OTUD7B: variants seen among roughly 807,000 people sequenced by gnomAD.
OTUD7B encodes the protein OTU domain-containing protein 7B.
A neutral mutation model predicts 82.2 loss-of-function variants in OTUD7B; 34 were observed. The observed-to-expected ratio is 0.41, with a 90% CI of 0.31 to 0.55. The LOEUF (loss-of-function observed/expected upper bound fraction) is 0.55. OTUD7B is among the 20% of genes least tolerant of loss of function. The pLI is 0.20. For synonymous variants in OTUD7B, 398 were observed against 402.7 expected (o/e 0.99, Z 0.14); for missense variants, 944 against 1,062.1 (o/e 0.89, Z 1.55).
rs1649367838 is a variant in OTUD7B, at chr1:149,964,326, C to T, written c.628G>A (p.Asp210Asn). ...TACAAAGCTTTCCGCAGCATCAAGTCCCGATCATGGAAACCCCACATTCCT... is the reference window on the plus strand; with the variant it reads ...TACAAAGCTTTCCGCAGCATCAAGTTCCGATCATGGAAACCCCACATTCCT... ...SLGMWGFHDR[D>N]LMLRKALYAL... is the part of the protein sequence containing the mutation. The change falls in exon 6 of 12, where the codon GAC (aspartate) becomes AAC (asparagine). Residue 210 changes from aspartate (D) to asparagine (N), a missense_variant. This residue lies in a region of OTUD7B where 530 missense variants were observed against 625.6 expected (regional missense o/e 0.85). Transcript: ENST00000581312. 1.9e-6 allele frequency: 3 copies of T among 1,613,824 alleles called. No individual in the cohort carries two copies. The highest frequency in any genetic ancestry group is 2.5e-6 in the Non-Finnish European group (3 of 1,179,948).
the OTUD7B span, among the ~76,000 whole-genome samples, chr1:150,036,599 C>T: frequency 6.6e-6 from 1 of 152,086 alleles, no homozygotes; most frequent in African/African-American, 2.4e-5. Context: ...AGGAGTGAAG[C>T]TATCATTATT....
the OTUD7B span, among the ~76,000 whole-genome samples, chr1:150,047,365 T>G: frequency 2.4e-4 from 36 of 152,158 alleles, no homozygotes; most frequent in African/African-American, 6.7e-4. Context: ...ATCTCAACAC[T>G]CCCCCCAACC....
At chr1:150,048,800 C>T in the OTUD7B span, among the ~76,000 whole-genome samples, 4 of 151,970 alleles carry the variant, frequency 2.6e-5, no homozygotes, top group Admixed American at 6.6e-5. Context: ...AGATTAATAA[C>T]TCAAGTTTCC....
At chr1:149,973,898 C>T (rs1335726889) in intron 2 of OTUD7B, among the ~76,000 whole-genome samples, 7 of 142,716 alleles carry the variant, frequency 4.9e-5, no homozygotes, top group Non-Finnish European at 9.0e-5. Context: ...CTTTCTGTTG[C>T]CCAGGCTGGA....
the OTUD7B span, among the ~76,000 whole-genome samples, chr1:150,017,421 C>T: frequency 1.3e-5 from 2 of 152,274 alleles, no homozygotes; most frequent in Non-Finnish European, 2.9e-5. Flanking sequence ...GCTTCTAAGG[C>T]CATTACAGGC....
the OTUD7B span, among the ~76,000 whole-genome samples, chr1:150,016,636 G>T: frequency 6.6e-6 from 1 of 151,844 alleles, no homozygotes; most frequent in East Asian, 1.9e-4. Context: ...ATTTTTAGTA[G>T]ACACGGGGTT....
At position 150,010,524 on chromosome 1, in the gene OTUD7B, G is replaced by T. The variant is rs1652973324; in HGVS notation, c.-143C>A. ...GGCCGCCTCTCTTCATTCCTCGGCA[G>T]TGACCCCGGGGTCCGGCCGGCCCCT... is the stretch of plus-strand genomic sequence containing the variant. On this transcript the variant is annotated 5_prime_UTR_variant, in exon 1 of 12. In the 5' UTR this introduces an upstream ATG that the reference lacks. Coordinates refer to ENST00000581312, the MANE Select transcript of OTUD7B (RefSeq NM_020205.4). The T allele has an allele frequency of 1.3e-5, 2 of 152,862 alleles. No individual in the cohort carries two copies. The highest frequency in any genetic ancestry group is 2.4e-5 in the African/African-American group (1 of 41,430). 9.5% of individuals were successfully genotyped at this position (152,862 alleles called of 1,614,324 possible). A position where few individuals can be genotyped will look rare whatever the true frequency, so the allele number is the denominator to read the frequency against.
At chr1:149,962,344 G>C (rs587759765) in intron 6 of OTUD7B, 1 of 152,294 alleles carries the variant, frequency 6.6e-6, no homozygotes, top group African/African-American at 2.4e-5. Flanking sequence ...TTTTGGTACT[G>C]GGGAGCTAAA....
At chr1:149,946,358 C>A (rs1048121405) in intron 11 of OTUD7B, among the ~76,000 whole-genome samples, 3 of 151,828 alleles carry the variant, frequency 2.0e-5, no homozygotes, top group African/African-American at 7.3e-5. Context: ...AGCAAGATTC[C>A]GTCTCAAAAA....
the OTUD7B span, among the ~76,000 whole-genome samples, chr1:150,065,950 G>C: frequency 2.0e-5 from 3 of 150,366 alleles, no homozygotes; most frequent in African/African-American, 7.5e-5. Flanking sequence ...TGTCAAGTAG[G>C]TATTTTCCTC....
chr1:149,965,963 C>A (rs1649496918), intron 4 of OTUD7B, 85 bp from the exon 5 acceptor site: 1 of 1,104,490 alleles, frequency 9.1e-7, no homozygotes, highest in African/African-American at 1.5e-5. Context: ...TCCAAAGCAG[C>A]CTCCTCTAGG....
chr1:149,965,211 C>T (rs1234399440), intron 5 of OTUD7B, among the ~76,000 whole-genome samples: 13 of 151,948 alleles, frequency 8.6e-5, no homozygotes, highest in Admixed American at 8.5e-4. Context: ...AAATATTAAG[C>T]CTATTTACAG....
At chr1:149,952,805 T>C (rs1185658261) in intron 7 of OTUD7B, among the ~76,000 whole-genome samples, 4 of 152,256 alleles carry the variant, frequency 2.6e-5, no homozygotes, top group East Asian at 1.9e-4. Flanking sequence ...TGGCCAGTGA[T>C]GATGAGCATT....
At chr1:150,002,064 C>A (rs1652327353) in intron 1 of OTUD7B, among the ~76,000 whole-genome samples, 1 of 152,134 alleles carries the variant, frequency 6.6e-6, no homozygotes, top group Non-Finnish European at 1.5e-5. Flanking sequence ...GATGCAGAAT[C>A]TGAGTATTTA....
intron 1 of OTUD7B, among the ~76,000 whole-genome samples, chr1:149,991,045 G>A (rs111233095): frequency 0.024 from 3,603 of 152,142 alleles, 49 homozygotes; most frequent in Non-Finnish European, 0.032. Flanking sequence ...ACAGAGGTTG[G>A]GCCTATGTAT....
upstream of OTUD7B, among the ~76,000 whole-genome samples, chr1:150,015,363 G>A (rs945352833): frequency 7.2e-6 from 1 of 138,990 alleles, no homozygotes; most frequent in African/African-American, 2.7e-5. Flanking sequence ...GTGCAATCTC[G>A]GCTCACTGCA....
At chr1:149,998,527 T>C (rs772430157) in intron 1 of OTUD7B, among the ~76,000 whole-genome samples, 2 of 152,230 alleles carry the variant, frequency 1.3e-5, no homozygotes, top group Non-Finnish European at 2.9e-5. Context: ...ACCTTGAATG[T>C]TTCCCCGCTA....
rs1205787534 is a variant in OTUD7B, at chr1:149,976,633, A to T, written c.85+793T>A. On this transcript the variant is annotated intron_variant, in intron 2 of 11. Transcript: ENST00000581312. ...TCTACAAAAAAAAAAAAAAAAAAAT[A>T]CTAGAACATTCAAACTTATGTGTAT... 1.6e-4 allele frequency among the ~76,000 whole-genome samples: 16 copies of T among 102,648 alleles called. 8 individuals carry two copies. The highest frequency in any genetic ancestry group is 5.6e-4 in the East Asian group (2 of 3,574). 67.3% of individuals were successfully genotyped at this position (102,648 alleles called of 152,430 possible). A position where few individuals can be genotyped will look rare whatever the true frequency, so the allele number is the denominator to read the frequency against.
intron 7 of OTUD7B, among the ~76,000 whole-genome samples, chr1:149,958,780 T>C (rs782272004): frequency 3.9e-5 from 6 of 152,088 alleles, no homozygotes; most frequent in Non-Finnish European, 8.8e-5. Context: ...GGTCTCTCTT[T>C]GTCACCCAGG....
Sources: allele counts gnomAD v4.1 joint callset (sites outside exome capture counted in the v4.1 genomes callset), GRCh38; gene constraint gnomAD v4.1.1; regional missense constraint gnomAD v4.1.1; transcripts MANE v1.5; gene names NCBI Gene and HGNC (gene_info 2026-07-23, HGNC 2026-07-21).